Variants in GOPC observed in about 807,000 individuals in gnomAD.
The protein encoded by GOPC is golgi associated PDZ and coiled-coil motif containing, also known as Golgi-associated PDZ and coiled-coil motif-containing protein.
In GOPC, 32 loss-of-function variants were observed where a neutral mutation model predicts 51.2. The observed-to-expected ratio is 0.63, with a 90% CI of 0.47 to 0.84. The LOEUF (loss-of-function observed/expected upper bound fraction) is 0.84. GOPC is among the 40% of genes least tolerant of loss of function. GOPC has a pLI of 0.00. For synonymous variants in GOPC, 190 were observed against 205.1 expected, an observed-to-expected ratio of 0.93 and a Z score of 0.63; for missense variants, 441 against 555.5, an observed-to-expected ratio of 0.79 and a Z score of 2.07.
intron 1 of GOPC, among the ~76,000 whole-genome samples, chr6:117,596,056 A>T (rs544825083): frequency 6.6e-5 from 10 of 150,750 alleles, no homozygotes; most frequent in African/African-American, 1.2e-4. Flanking sequence ...CCGTGCCAAC[A>T]TCTATTTTTT....
intron 1 of GOPC, 50 bp from the exon 2 acceptor site, chr6:117,579,114 T>C: frequency 1.4e-6 from 2 of 1,427,388 alleles, no homozygotes; most frequent in Non-Finnish European, 9.4e-7. Flanking sequence ...TTTTCTTTCT[T>C]TTGACTAATA....
At chr6:117,564,684 G>A (rs1779658234) in intron 8 of GOPC, among the ~76,000 whole-genome samples, 1 of 152,148 alleles carries the variant, frequency 6.6e-6, no homozygotes, top group African/African-American at 2.4e-5. Context: ...ATTTGCATAT[G>A]TGACAGAGAA....
chr6:117,599,478 A>G (rs569709277), intron 1 of GOPC, among the ~76,000 whole-genome samples: 1 of 152,376 alleles, frequency 6.6e-6, no homozygotes, highest in South Asian at 2.1e-4. Flanking sequence ...TTTCCACAGC[A>G]ATACACAATT....
Position 117,602,032 on chromosome 6 carries a change from G to T in GOPC, c.257C>A (p.Ser86Tyr). 1 of 1,614,210 alleles carries T rather than the reference G, an allele frequency of 6.2e-7. No individual in the cohort carries two copies. The highest frequency in any genetic ancestry group is 1.1e-5 in the South Asian group (1 of 91,068). ...CAGCTTGTGGTTGATTTGAGACACA[G>T]ACTGGGCTTTGTGGCAAAGCTGTGC... ...CFAQLCHKAQ[S>Y]VSQINHKLEA... Residue 86 changes from serine (S) to tyrosine (Y), a missense_variant, in exon 1 of 9, where the codon TCT (serine) becomes TAT (tyrosine). Ser to Tyr is a moderately radical substitution (Grantham distance 144, BLOSUM62 -2). This residue lies in a region of GOPC where 204 missense variants were observed against 219.8 expected (regional missense o/e 0.93). Transcript: ENST00000368498.
chr6:117,593,917 C>T (rs1421126590), intron 1 of GOPC, among the ~76,000 whole-genome samples: 1 of 152,056 alleles, frequency 6.6e-6, no homozygotes, highest in Non-Finnish European at 1.5e-5. Context: ...CCTTCTCCTA[C>T]CTCTATTATC....
intron 6 of GOPC, 190 bp from the exon 7 acceptor site, chr6:117,569,926 G>T: frequency 1.7e-6 from 1 of 577,182 alleles, no homozygotes. Flanking sequence ...ACAGAAATTG[G>T]CTAAATTCTT....
intron 1 of GOPC, among the ~76,000 whole-genome samples, chr6:117,593,300 TC>T (rs1018688429): frequency 3.9e-5 from 6 of 152,114 alleles, no homozygotes; most frequent in Admixed American, 3.9e-4. Context: ...TACTGTCTGC[TC>T]CCATTCTCTC....
At chr6:117,570,029 G>A (rs1240644012) in intron 6 of GOPC, among the ~76,000 whole-genome samples, 1 of 151,850 alleles carries the variant, frequency 6.6e-6, no homozygotes, top group African/African-American at 2.4e-5. Context: ...ATTATTTTAG[G>A]TGCCACAAAA....
At position 117,582,273 on chromosome 6, in the gene GOPC, T is replaced by TACACACACAC. The variant is rs71012364; in HGVS notation, c.286-3219_286-3210dup. Among the ~76,000 whole-genome samples, 786 of 119,212 alleles carry TACACACACAC rather than the reference T, an allele frequency of 6.6e-3. 13 individuals carry two copies. Among genetic ancestry groups the TACACACACAC allele is most frequent in the African/African-American group, 0.018 (532 of 29,892 alleles). 78.2% of individuals were successfully genotyped at this position (119,212 alleles called of 152,430 possible). On this transcript the variant is annotated intron_variant, in intron 1 of 8. Coordinates refer to ENST00000368498, the MANE Select transcript of GOPC (RefSeq NM_020399.4). ...CCCTCCCTCCCTCTGCCTCCCCCCC[T>TACACACACAC]ACACACACACACACACACACACACA...
intron 1 of GOPC, among the ~76,000 whole-genome samples, chr6:117,587,614 G>T (rs540035869): frequency 6.6e-6 from 1 of 152,184 alleles, no homozygotes; most frequent in East Asian, 1.9e-4. Flanking sequence ...CTTCTGGGAA[G>T]AGTTTTGATT....
At chr6:117,570,111 T>A (rs560467141) in intron 6 of GOPC, among the ~76,000 whole-genome samples, 3 of 152,170 alleles carry the variant, frequency 2.0e-5, no homozygotes, top group East Asian at 1.9e-4. Context: ...CAATGTAGAA[T>A]TGAAAAAATG....
At chr6:117,563,685 G>C (rs1416578619) in intron 8 of GOPC, among the ~76,000 whole-genome samples, 1 of 150,866 alleles carries the variant, frequency 6.6e-6, no homozygotes, top group Non-Finnish European at 1.5e-5. Flanking sequence ...TCGTACCACC[G>C]CACTCTAGCC....
At chr6:117,594,696 A>G (rs1780168315) in intron 1 of GOPC, among the ~76,000 whole-genome samples, 1 of 152,204 alleles carries the variant, frequency 6.6e-6, no homozygotes, top group South Asian at 2.1e-4. Context: ...GCATATCACC[A>G]GTTCATTATC....
At chr6:117,580,563 G>T (rs1036635925) in intron 1 of GOPC, among the ~76,000 whole-genome samples, 12 of 151,884 alleles carry the variant, frequency 7.9e-5, no homozygotes, top group African/African-American at 2.7e-4. Flanking sequence ...CAATCTAACA[G>T]GAAATCATTC....
rs763360627 is a variant in GOPC at position 117,560,516 on chromosome 6, G to C, written c.*2738C>G. ...CACATGAATCACATGAAACCTTTTT[G>C]TTTCTAAACATGAAAACAGCATAAG... On this transcript the variant is annotated 3_prime_UTR_variant, in exon 9 of 9. Coordinates refer to ENST00000368498, the MANE Select transcript of GOPC (RefSeq NM_020399.4). The C allele has an allele frequency of 1.1e-4, 22 of 194,466 alleles. No homozygotes were observed. Among genetic ancestry groups the C allele is most frequent in the Non-Finnish European group, 2.3e-4 (21 of 93,110 alleles). 12.0% of individuals were successfully genotyped at this position (194,466 alleles called of 1,614,324 possible). A position where few individuals can be genotyped will look rare whatever the true frequency, so the allele number is the denominator to read the frequency against.
At chr6:117,563,410 A>C (rs1257315316) in intron 8 of GOPC, 26 bp from the exon 9 acceptor site, 1 of 1,610,464 alleles carries the variant, frequency 6.2e-7, no homozygotes, top group Non-Finnish European at 8.5e-7. Flanking sequence ...AAAAAAAAGC[A>C]GACACTTTCT....
chr6:117,581,083 G>A (rs1202434160), intron 1 of GOPC, among the ~76,000 whole-genome samples: 1 of 152,122 alleles, frequency 6.6e-6, no homozygotes, highest in African/African-American at 2.4e-5. Context: ...TGTCAACCAT[G>A]ATATAATCAA....
At chr6:117,582,277 C>CACAA (rs1178573303) in intron 1 of GOPC, among the ~76,000 whole-genome samples, 152 of 129,540 alleles carry the variant, frequency 1.2e-3, no homozygotes, top group Admixed American at 2.5e-3. Flanking sequence ...CCCCCCTACA[C>CACAA]ACACACACAC....
chr6:117,578,857 T>A, intron 2 of GOPC, 43 bp downstream of exon 2: 3 of 1,433,780 alleles, frequency 2.1e-6, no homozygotes, highest in Non-Finnish European at 2.8e-6. Context: ...CTGTACACCC[T>A]GTAAAATACA....
Sources: gnomAD v4.1 joint callset for allele counts (sites outside exome capture counted in the v4.1 genomes callset) on GRCh38, gnomAD v4.1.1 for gene constraint, gnomAD v4.1.1 regional missense constraint, MANE v1.5 for transcripts, NCBI Gene and HGNC (gene_info 2026-07-23, HGNC 2026-07-21) for gene names.